Variants in PTPN21 observed in about 807,000 individuals in gnomAD.
PTPN21 encodes the protein protein tyrosine phosphatase non-receptor type 21.
Under a neutral mutation model 131.8 loss-of-function variants are expected in PTPN21, and 77 were observed. The ratio of observed to expected loss-of-function variants is 0.58; its 90% CI spans 0.49 to 0.71. The LOEUF is 0.71. PTPN21 is among the 30% of genes least tolerant of loss of function. The pLI is 0.00. For missense variants in PTPN21, 1,552 were observed against 1,527.1 expected (o/e 1.02, Z -0.27); for synonymous variants, 715 against 621.3 (o/e 1.15, Z -2.24).
At position 88,480,211 on chromosome 14, in the gene PTPN21, T is replaced by C. The variant is rs2077631049; in HGVS notation, c.1220A>G (p.Gln407Arg). Residue 407 changes from glutamine (Q) to arginine (R), a missense_variant, in exon 13 of 19, where the codon CAG becomes CGG. Transcript: ENST00000556564. Reference protein sequence around the residue: ...AHSTNSLNNPQPYLQPSPMSS... With the variant: ...AHSTNSLNNPRPYLQPSPMSS... ...CATCGGCGAGGGCTGCAAGTAGGGCTGAGGATTATTTAAGGAGTTGGTGCT... is the reference window on the plus strand; with the variant it reads ...CATCGGCGAGGGCTGCAAGTAGGGCCGAGGATTATTTAAGGAGTTGGTGCT... The C allele has an allele frequency of 6.2e-7, 1 of 1,614,038 alleles. No homozygotes were observed.
chr14:88,517,704 GTA>G (rs551803473), intron 2 of PTPN21, among the ~76,000 whole-genome samples: 9 of 99,326 alleles, frequency 9.1e-5, no homozygotes, highest in Non-Finnish European at 1.3e-4. Context: ...GTGCGTATGT[GTA>G]TATATGTGTG....
chr14:88,467,888 G>C lies in PTPN21; in HGVS notation c.*249C>G, dbSNP rs1241650341. On this transcript the variant is annotated 3_prime_UTR_variant, in exon 19 of 19. Transcript: ENST00000556564. The stretch of plus-strand genomic sequence containing the variant: ...AAATGTGTGCAAGTACTGCAAACCG[G>C]ACAGACCGGGGCAGGGCAAGGCCCT... The C allele has an allele frequency of 1.9e-6, 1 of 536,094 alleles. No homozygotes were observed. The highest frequency in any genetic ancestry group is 3.3e-6 in the Non-Finnish European group (1 of 304,974). The allele number at this position is 536,094 out of a possible 1,614,324, so 33.2% of individuals were successfully genotyped here.
In PTPN21 at chr14:88,550,393, G is replaced by A. The variant is rs747968741; in HGVS notation, c.25C>T (p.Leu9=). Residue 9 remains leucine, a synonymous_variant, in exon 2 of 19, where the codon CTG becomes TTG. Transcript: ENST00000556564. MPLPFGLK[L]KRTRRYTVSS... ...ACCGTGTAGCGCCGGGTGCGTTTCAGTTTCAACCCAAATGGCAGTGGCATC... is the reference window on the plus strand; with the variant it reads ...ACCGTGTAGCGCCGGGTGCGTTTCAATTTCAACCCAAATGGCAGTGGCATC... 1.2e-6 allele frequency: 2 copies of A among 1,614,022 alleles called. No individual in the cohort carries two copies. Among genetic ancestry groups the A allele is most frequent in the East Asian group, 2.2e-5 (1 of 44,878 alleles).
At chr14:88,492,474 C>T (rs2077839628) in intron 10 of PTPN21, among the ~76,000 whole-genome samples, 1 of 152,162 alleles carries the variant, frequency 6.6e-6, no homozygotes, top group Non-Finnish European at 1.5e-5. Flanking sequence ...CCTGTCAGTG[C>T]TTACGAAAAT....
chr14:88,551,223 G>C (rs2139371516), intron 1 of PTPN21: 1 of 152,350 alleles, frequency 6.6e-6, no homozygotes, highest in East Asian at 1.9e-4. Flanking sequence ...ACAAATGCTC[G>C]TTATCCATTT....
chr14:88,485,186 G>C (rs1308001002), intron 11 of PTPN21, 26 bp from the exon 12 acceptor site: 1 of 1,438,462 alleles, frequency 7.0e-7, no homozygotes, highest in African/African-American at 1.4e-5. Flanking sequence ...TTTGACACAG[G>C]GTTGAAACAC....
intron 3 of PTPN21, among the ~76,000 whole-genome samples, chr14:88,514,469 CTTTTTTTT>C: frequency 7.1e-6 from 1 of 140,792 alleles, no homozygotes; most frequent in East Asian, 2.1e-4. Flanking sequence ...TTTCTTTTTT[CTTTTTTTT>C]TTTTGAGACA....
chr14:88,478,799 G>A, intron 13 of PTPN21, 121 bp downstream of exon 13: 1 of 544,964 alleles, frequency 1.8e-6, no homozygotes, highest in Non-Finnish European at 2.9e-6. Context: ...AGAGTGACGT[G>A]GGGGAATGAA....
At chr14:88,538,035 G>A (rs889303111) in intron 2 of PTPN21, among the ~76,000 whole-genome samples, 1 of 152,150 alleles carries the variant, frequency 6.6e-6, no homozygotes, top group Admixed American at 6.5e-5. Flanking sequence ...GTGATATGCA[G>A]CACATGACTG....
chr14:88,547,064 T>C (rs2078793083), intron 2 of PTPN21, among the ~76,000 whole-genome samples: 1 of 152,192 alleles, frequency 6.6e-6, no homozygotes, highest in South Asian at 2.1e-4. Flanking sequence ...CTATATAAAG[T>C]TACTTGTTCC....
chr14:88,471,298 A>G (rs986412958), intron 15 of PTPN21, among the ~76,000 whole-genome samples: 9 of 152,194 alleles, frequency 5.9e-5, no homozygotes, highest in Non-Finnish European at 1.0e-4. Context: ...TCTCCTTCCC[A>G]AAATAAAGAA....
chr14:88,539,368 G>A (rs1272330376), intron 2 of PTPN21, among the ~76,000 whole-genome samples: 1 of 151,710 alleles, frequency 6.6e-6, no homozygotes, highest in African/African-American at 2.4e-5. Context: ...TCCTGCCTCA[G>A]CCTCCTGACT....
At chr14:88,544,904 T>C (rs1456849780) in intron 2 of PTPN21, among the ~76,000 whole-genome samples, 3 of 152,130 alleles carry the variant, frequency 2.0e-5, no homozygotes, top group Non-Finnish European at 4.4e-5. Context: ...CTCGGCTCAT[T>C]GCAACCTCTG....
At position 88,545,051 on chromosome 14, in the gene PTPN21, T is replaced by C. The variant is rs545726814; in HGVS notation, c.180+5187A>G. Among the ~76,000 whole-genome samples the C allele has an allele frequency of 2.2e-4, 34 of 152,228 alleles. No homozygotes were observed. In the South Asian group the frequency reaches 6.8e-3, roughly 31 times the overall value. ...CACCATGTTGGCCAGGCCAGGCTGG[T>C]CTTGAACTCCTGACCTCAGGTGATC... On this transcript the variant is annotated intron_variant, in intron 2 of 18. Transcript: ENST00000556564.
At chr14:88,492,928 T>C in intron 10 of PTPN21, 1 of 357,380 alleles carries the variant, frequency 2.8e-6, no homozygotes, top group East Asian at 7.9e-5. Flanking sequence ...TCATGGAGCT[T>C]CATCAAACAA....
chr14:88,521,795 T>C (rs528367408), intron 2 of PTPN21, among the ~76,000 whole-genome samples: 229 of 152,238 alleles, frequency 1.5e-3, no homozygotes, highest in Non-Finnish European at 2.7e-3. Context: ...ACAGTTGGAC[T>C]GTAGACTGTT....
intron 2 of PTPN21, among the ~76,000 whole-genome samples, chr14:88,529,502 GGAA>G (rs1420481324): frequency 6.6e-6 from 1 of 151,984 alleles, no homozygotes; most frequent in African/African-American, 2.4e-5. Context: ...GTATTCCTGA[GGAA>G]GAAGAGAAAT....
Position 88,480,072 on chromosome 14 carries a change from A to G in PTPN21, c.1359T>C (p.Thr453=), listed in dbSNP as rs1404633593. The G allele has an allele frequency of 6.2e-7, 1 of 1,613,954 alleles. No individual in the cohort carries two copies. Among genetic ancestry groups the G allele is most frequent in the African/African-American group, 1.3e-5 (1 of 74,912 alleles). Residue 453 remains threonine, a synonymous_variant, in exon 13 of 19, where the codon ACT becomes ACC. Transcript: ENST00000556564. ...PSYRPTPDYE[T]VMKQLNRGLV... is the part of the protein sequence containing the mutation. ...GGCCCCTGTTGAGCTGCTTCATCAC[A>G]GTCTCATAGTCTGGGGTGGGGCGGT...
Position 88,467,849 on chromosome 14 carries a change from A to T in PTPN21, c.*288T>A. The T allele has an allele frequency of 2.9e-6, 1 of 349,248 alleles. No individual in the cohort carries two copies. Among genetic ancestry groups the T allele is most frequent in the Non-Finnish European group, 5.2e-6 (1 of 192,958 alleles). 21.6% of individuals were successfully genotyped at this position (349,248 alleles called of 1,614,324 possible). A position where few individuals can be genotyped will look rare whatever the true frequency, so the allele number is the denominator to read the frequency against. On this transcript the variant is annotated 3_prime_UTR_variant, in exon 19 of 19. Transcript: ENST00000556564. ...TCAGTAAAATAGAGAATTGTCTAGA[A>T]AATACAATCTCCAAAATGTGTGCAA...
Sources: gnomAD v4.1 joint callset for allele counts (sites outside exome capture counted in the v4.1 genomes callset) on GRCh38, gnomAD v4.1.1 for gene constraint, MANE v1.5 for transcripts, NCBI Gene and HGNC (gene_info 2026-07-23, HGNC 2026-07-21) for gene names.